The following IRF1 variants were observed in gnomAD, a reference collection of about 807,000 sequenced individuals.
The protein encoded by IRF1 is interferon regulatory factor 1.
A neutral mutation model predicts 43.7 loss-of-function variants in IRF1; 13 were observed. The observed-to-expected ratio is 0.30, with a 90% confidence interval of 0.19 to 0.47. The LOEUF is 0.47. Ranked by LOEUF, IRF1 falls within the 20% of genes least tolerant of loss-of-function variation. The pLI is 0.99. For missense variants in IRF1, 236 were observed against 408.9 expected, an observed-to-expected ratio of 0.58 and a Z score of 3.65; for synonymous variants, 138 against 146.8, an observed-to-expected ratio of 0.94 and a Z score of 0.43.
In IRF1 at chr5:132,483,999, C is replaced by T. The variant is rs142853835; in HGVS notation, c.930G>A (p.Leu310=). The T allele has an allele frequency of 1.4e-4, 219 of 1,613,944 alleles. 2 individuals are homozygous for T. Among genetic ancestry groups the T allele is most frequent in the East Asian group, 1.2e-3 (54 of 44,868 alleles). The part of the protein sequence containing the change: ...NMDATWLDSL[L]TPVRLPSIQA... ...GGATGGAGGGCAACCGGACTGGGGT[C>T]AGCAGGCTGTCCAGCCAGGTGGCAT... Residue 310 remains leucine (L), a synonymous_variant, in exon 10 of 10, where the codon CTG becomes CTA. Coordinates refer to ENST00000245414, the MANE Select transcript of IRF1 (RefSeq NM_002198.3).
At position 132,484,442 on chromosome 5, in the gene IRF1, A is replaced by C. The variant is rs1754466065; in HGVS notation, c.773T>G (p.Leu258Arg). The change falls in exon 9 of 10, where the codon CTC (leucine) becomes CGC (arginine). Residue 258 changes from leucine (L) to arginine (R), a missense_variant. Transcript: ENST00000245414. Reference protein sequence around the residue: ...PTNVDGKGYLLNEPGVQPTSV... With the variant: ...PTNVDGKGYLRNEPGVQPTSV... ...GGTGGGCTGGACTCCAGGTTCATTG[A>C]GTAGGTACCCCTTCCCATCCACGTT... 6.2e-7 allele frequency: 1 copy of C among 1,614,058 alleles called. No homozygotes were observed. The highest frequency in any genetic ancestry group is 1.1e-5 in the South Asian group (1 of 91,082).
At position 132,483,851 on chromosome 5, in the gene IRF1, G is replaced by T; in HGVS notation, c.*100C>A. 6.8e-7 allele frequency: 1 copy of T among 1,469,102 alleles called. No homozygotes were observed. Among genetic ancestry groups the T allele is most frequent in the Non-Finnish European group, 9.3e-7 (1 of 1,072,792 alleles). The allele number at this position is 1,469,102 out of a possible 1,614,324, so 91.0% of individuals were successfully genotyped here. On this transcript the variant is annotated 3_prime_UTR_variant, in exon 10 of 10. Coordinates refer to ENST00000245414, the MANE Select transcript of IRF1 (RefSeq NM_002198.3). ...CCACTTGGCAGTGGGGTCACACTTG[G>T]CTGTTGAGGGGCCCACAGAAGTCCA...
At chr5:132,486,112 CT>C in intron 7 of IRF1, 138 bp downstream of exon 7, 1 of 1,206,374 alleles carries the variant, frequency 8.3e-7, no homozygotes, top group Non-Finnish European at 1.2e-6. Context: ...TTGCCTCCCC[CT>C]ATGGTGGCTA....
chr5:132,489,523 G>T, intron 1 of IRF1, 40 bp from the exon 2 acceptor site: 1 of 1,548,754 alleles, frequency 6.5e-7, no homozygotes, highest in East Asian at 2.2e-5. Context: ...GGAATCTGTT[G>T]AACAGTACCT....
chr5:132,485,633 A>G, intron 8 of IRF1, 34 bp downstream of exon 8: 3 of 1,541,206 alleles, frequency 1.9e-6, no homozygotes, highest in Non-Finnish European at 2.7e-6. Flanking sequence ...AGAAACGGTC[A>G]CTTCAAGAGT....
intron 7 of IRF1, 139 bp from the exon 8 acceptor site, chr5:132,485,855 C>T (rs1339278158): frequency 8.3e-6 from 5 of 605,904 alleles, no homozygotes; most frequent in Non-Finnish European, 1.4e-5. Context: ...ACACACCCTC[C>T]CGGTGGACCT....
chr5:132,484,526 ACTCC>A, intron 8 of IRF1, 29 bp from the exon 9 acceptor site: 2 of 1,612,240 alleles, frequency 1.2e-6, no homozygotes, highest in Non-Finnish European at 1.7e-6. Flanking sequence ...GAGGCTATCA[ACTCC>A]CTTCCAGTGC....
chr5:132,486,520 A>C (rs1223752471), intron 6 of IRF1, 37 bp downstream of exon 6: 1 of 1,613,406 alleles, frequency 6.2e-7, no homozygotes, highest in Non-Finnish European at 8.5e-7. Context: ...CATCCCACTG[A>C]CCTGTGGGGT....
chr5:132,485,604 T>A (rs1276895402), intron 8 of IRF1, 63 bp downstream of exon 8: 3 of 1,284,154 alleles, frequency 2.3e-6, no homozygotes, highest in East Asian at 4.7e-5. Context: ...GAAGCTTCAC[T>A]GGTTCTCTCT....
intron 9 of IRF1, 130 bp from the exon 10 acceptor site, chr5:132,484,205 A>G: frequency 6.9e-7 from 1 of 1,455,652 alleles, no homozygotes; most frequent in African/African-American, 1.4e-5. Context: ...ACTCAGCTTC[A>G]GGCAAACCTT....
chr5:132,487,066 G>C lies in IRF1; in HGVS notation c.252C>G (p.Ala84=). Residue 84 remains alanine (A), a synonymous_variant, in exon 4 of 10, where the codon GCC becomes GCG. Transcript: ENST00000245414. The part of the protein sequence containing the change: ...PKTWKANFRC[A]MNSLPDIEEV... Reference sequence around the variant, plus strand: ...CCTCGATATCTGGCAGGGAGTTCATGGCACAGCGAAAGTTGGCCTTCCACG... The same window carrying C: ...CCTCGATATCTGGCAGGGAGTTCATCGCACAGCGAAAGTTGGCCTTCCACG... The C allele has an allele frequency of 1.2e-6, 2 of 1,614,194 alleles. No individual in the cohort carries two copies. Among genetic ancestry groups the C allele is most frequent in the South Asian group, 2.2e-5 (2 of 91,084 alleles).
At chr5:132,487,772 C>T in intron 3 of IRF1, 154 bp downstream of exon 3, 1 of 607,214 alleles carries the variant, frequency 1.6e-6, no homozygotes, top group Non-Finnish European at 3.0e-6. Flanking sequence ...CTCTCTTCTC[C>T]AGAAACACAA....
chr5:132,487,120 T>C lies in IRF1; in HGVS notation c.198A>G (p.Lys66=), dbSNP rs377011440. The C allele has an allele frequency of 1.2e-6, 2 of 1,613,992 alleles. No homozygotes were observed. The highest frequency in any genetic ancestry group is 1.3e-5 in the African/African-American group (1 of 74,896). ...RSWAIHTGRY[K]AGEKEPDPKT... is the part of the protein sequence containing the mutation. ...TGGGATCTGGCTCCTTTTCCCCTGC[T>C]TTGTATCGGCCTAGAGGGCAGGAGA... The change falls in exon 4 of 10, where the codon AAA becomes AAG. Residue 66 remains lysine, a synonymous_variant. Coordinates refer to ENST00000245414, the MANE Select transcript of IRF1 (RefSeq NM_002198.3).
chr5:132,485,828 G>GACACACACACACACACACAC, intron 7 of IRF1, 112 bp from the exon 8 acceptor site: 18 of 555,848 alleles, frequency 3.2e-5, no homozygotes, highest in Middle Eastern at 4.9e-4. Flanking sequence ...CTGTCTCTCT[G>GACACACACACACACACACAC]ACACACACAC....
In IRF1 at chr5:132,489,423, T is replaced by A; in HGVS notation, c.56A>T (p.Asn19Ile). Residue 19 changes from asparagine to isoleucine, a missense_variant, in exon 2 of 10, where the codon AAC becomes ATC. Around this residue, in one of 2 missense-constraint regions of IRF1, gnomAD observed 66 missense variants for 157.1 expected, o/e 0.42. Transcript: ENST00000245414. ...RPWLEMQINS[N>I]QIPGLIWINK... ...AATCCAGATGAGCCCCGGGATTTGG[T>A]TGGAATTAATCTGCATCTCTAGCCA... The A allele has an allele frequency of 1.2e-6, 2 of 1,614,020 alleles. No individual in the cohort carries two copies. Among genetic ancestry groups the A allele is most frequent in the Non-Finnish European group, 1.7e-6 (2 of 1,179,920 alleles).
chr5:132,485,374 G>T, intron 8 of IRF1: 1 of 401,058 alleles, frequency 2.5e-6, no homozygotes, highest in South Asian at 3.9e-5. Context: ...GCATGTTGGG[G>T]CAGAGGATGC....
rs1754648497 is a variant in IRF1, at chr5:132,489,667, G to C, written c.-5-184C>G. Reference sequence around the variant, plus strand: ...CTCTCCAAATTTTTTCAGCATCTTAGGCAAAAATGCTTTTGCCCCTTCCTT... The same window carrying C: ...CTCTCCAAATTTTTTCAGCATCTTACGCAAAAATGCTTTTGCCCCTTCCTT... On this transcript the variant is annotated intron_variant, in intron 1 of 9. Transcript: ENST00000245414. 3 of 545,594 alleles carry C rather than the reference G, an allele frequency of 5.5e-6. No individual in the cohort carries two copies. In the East Asian group the frequency reaches 8.6e-5, roughly 16 times the overall value. The allele number at this position is 545,594 out of a possible 1,614,324, so 33.8% of individuals were successfully genotyped here. A position where few individuals can be genotyped will look rare whatever the true frequency, so the allele number is the denominator to read the frequency against.
At chr5:132,485,761 C>T (rs1754502895) in intron 7 of IRF1, 45 bp from the exon 8 acceptor site, 1 of 1,522,928 alleles carries the variant, frequency 6.6e-7, no homozygotes. Flanking sequence ...GTCAGCCACA[C>T]TCACCCTGCA....
intron 2 of IRF1, chr5:132,488,742 C>T (rs888822048): frequency 6.5e-6 from 1 of 153,158 alleles, no homozygotes; most frequent in African/African-American, 2.4e-5. Flanking sequence ...TATGATCTAC[C>T]TCTCAGTGCC....
Sources: gnomAD v4.1 joint callset for allele counts on GRCh38, gnomAD v4.1.1 for gene constraint, gnomAD v4.1.1 regional missense constraint, MANE v1.5 for transcripts, NCBI Gene and HGNC (gene_info 2026-07-23, HGNC 2026-07-21) for gene names.